The following TASOR2 variants were observed in gnomAD, a reference collection of about 807,000 sequenced individuals.
The protein encoded by TASOR2 is protein TASOR 2.
Under a neutral mutation model 199.5 loss-of-function variants are expected in TASOR2, and 84 were observed. The ratio of observed to expected loss-of-function variants is 0.42; its 90% CI spans 0.35 to 0.50. The LOEUF is 0.50. Ranked by LOEUF, TASOR2 falls within the 20% of genes least tolerant of loss-of-function variation. The pLI is 0.02. For missense variants in TASOR2, 2,796 were observed against 2,835.9 expected, an observed-to-expected ratio of 0.99 and a Z score of 0.32; for synonymous variants, 1,103 against 1,046.6, an observed-to-expected ratio of 1.05 and a Z score of -1.04.
chr10:5,696,403 T>C (rs1219993161), intron 1 of TASOR2, among the ~76,000 whole-genome samples: 1 of 152,168 alleles, frequency 6.6e-6, no homozygotes, highest in South Asian at 2.1e-4. Flanking sequence ...GTCACCCAGA[T>C]TGAAGTGCAG....
At chr10:5,694,240 G>A (rs1836865921) in intron 1 of TASOR2, among the ~76,000 whole-genome samples, 1 of 152,124 alleles carries the variant, frequency 6.6e-6, no homozygotes, top group Admixed American at 6.5e-5. Flanking sequence ...AAATTGGCAG[G>A]GACCAAATTT....
rs755024302 is a variant in TASOR2 at position 5,748,400 on chromosome 10, C to A, written c.4979C>A (p.Ser1660Tyr). 3.7e-5 allele frequency: 60 copies of A among 1,614,112 alleles called. No homozygotes were observed. Among genetic ancestry groups the A allele is most frequent in the Non-Finnish European group, 5.0e-5 (59 of 1,180,052 alleles). The change falls in exon 15 of 21, where the codon TCT becomes TAT. Residue 1660 changes from serine (S) to tyrosine (Y), a missense_variant. Transcript: ENST00000328090. The surrounding 1 kb of genome is among the most constrained non-coding windows in gnomAD (Gnocchi z 5.1). ...TGCTCAGTGGTCCCCACGCTTTGTT[C>A]TTCCTCAGACAATGCTACATTAACC...
At position 5,726,569 on chromosome 10, in the gene TASOR2, T is replaced by G. The variant is rs553864741; in HGVS notation, c.352-316T>G. Among the ~76,000 whole-genome samples the G allele has an allele frequency of 5.9e-5, 9 of 152,346 alleles. No individual in the cohort carries two copies. The South Asian group carries it at 1.7e-3, about 28-fold the overall frequency. ...ACTACATGGTAACATATTGGCTGTTTAGGCAGTGGTATGAAATGTCAGCTG... is the reference window on the plus strand; with the variant it reads ...ACTACATGGTAACATATTGGCTGTTGAGGCAGTGGTATGAAATGTCAGCTG... On this transcript the variant is annotated intron_variant, in intron 8 of 20. Transcript: ENST00000328090.
intron 2 of TASOR2, among the ~76,000 whole-genome samples, chr10:5,713,417 C>T (rs1028602632): frequency 1.3e-5 from 2 of 151,824 alleles, no homozygotes; most frequent in African/African-American, 4.8e-5. Context: ...AGGAAAGGAC[C>T]GTGTACAGGG....
At chr10:5,747,938 G>A (rs1472188294) in exon 15 of TASOR2, 1 of 1,613,838 alleles carries the variant, frequency 6.2e-7, no homozygotes, top group East Asian at 2.2e-5. Flanking sequence ...ATTGTCTCAA[G>A]TGAGCATGAT....
At chr10:5,712,672 C>A in intron 1 of TASOR2, 151 bp from the exon 2 acceptor site, 1 of 817,606 alleles carries the variant, frequency 1.2e-6, no homozygotes, top group Non-Finnish European at 1.6e-6. Flanking sequence ...GAAATAGTCA[C>A]TTGGAAGGTA....
intron 8 of TASOR2, among the ~76,000 whole-genome samples, chr10:5,725,776 G>A (rs1406354724): frequency 6.6e-6 from 1 of 152,122 alleles, no homozygotes; most frequent in African/African-American, 2.4e-5. Flanking sequence ...GTGATACCCT[G>A]TCTCTTAAAG....
rs1183983010 is a variant in TASOR2, at chr10:5,723,043, C to CTTTTTT, written c.147-613_147-608dup. On this transcript the variant is annotated intron_variant, in intron 6 of 20. Transcript: ENST00000328090. Reference sequence around the variant, plus strand: ...AAAGGAAAAAGTAGTCAGGAAATAACTTTTTTTTTTTTTTTTTTTTTTTTT... The same window carrying CTTTTTT: ...AAAGGAAAAAGTAGTCAGGAAATAACTTTTTTTTTTTTTTTTTTTTTTTTTTTTTTT... Among the ~76,000 whole-genome samples the CTTTTTT allele has an allele frequency of 8.2e-4, 60 of 72,908 alleles. 8 individuals carry two copies. The highest frequency in any genetic ancestry group is 6.0e-3 in the South Asian group (8 of 1,338). 47.8% of individuals were successfully genotyped at this position (72,908 alleles called of 152,430 possible). A position where few individuals can be genotyped will look rare whatever the true frequency, so the allele number is the denominator to read the frequency against.
At position 5,757,797 on chromosome 10, in the gene TASOR2, G is replaced by A. The variant is rs1588929524; in HGVS notation, c.6886+124G>A. The A allele has an allele frequency of 1.2e-5, 12 of 1,002,212 alleles. No homozygotes were observed. The East Asian group carries it at 2.8e-4, about 23-fold the overall frequency. 62.1% of individuals were successfully genotyped at this position (1,002,212 alleles called of 1,614,324 possible). A position where few individuals can be genotyped will look rare whatever the true frequency, so the allele number is the denominator to read the frequency against. ...AGGAATATCAGTTGCCCCCTACTGA[G>A]GCATAATTTCTGCTGTCTGCTGTGC... On this transcript the variant is annotated intron_variant, in intron 17 of 20. Transcript: ENST00000328090.
In TASOR2 at chr10:5,762,662, A is replaced by T; in HGVS notation, c.7289+16A>T. On this transcript the variant is annotated intron_variant, in intron 20 of 20. Coordinates refer to ENST00000328090, the Ensembl canonical transcript of TASOR2. ...GTAGCTATTGGTAAGAACACTTTTT[A>T]TGTAACTTTCCCATGTGAGTTGGAG... 8.4e-7 allele frequency: 1 copy of T among 1,183,444 alleles called. No homozygotes were observed. Among genetic ancestry groups the T allele is most frequent in the African/African-American group, 1.6e-5 (1 of 63,836 alleles). 73.3% of individuals were successfully genotyped at this position (1,183,444 alleles called of 1,614,324 possible).
In TASOR2 at chr10:5,730,558, G is replaced by A; in HGVS notation, c.559G>A (p.Ala187Thr). The A allele has an allele frequency of 6.2e-7, 1 of 1,613,990 alleles. No individual in the cohort carries two copies. Among genetic ancestry groups the A allele is most frequent in the Non-Finnish European group, 8.5e-7 (1 of 1,179,984 alleles). Reference sequence around the variant, plus strand: ...ACCTATTTTATCTACCCTTAATTGTGCCCTGCTAGAAACAAAGAAATCACT... The same window carrying A: ...ACCTATTTTATCTACCCTTAATTGTACCCTGCTAGAAACAAAGAAATCACT... Residue 187 changes from alanine to threonine, a missense_variant, in exon 11 of 21, where the codon GCC (alanine) becomes ACC (threonine). Ala to Thr is a moderately conservative substitution (Grantham distance 58). Around this residue, in one of 3 missense-constraint regions of TASOR2, gnomAD observed 847 missense variants for 887.4 expected, o/e 0.95. Coordinates refer to ENST00000328090, the Ensembl canonical transcript of TASOR2. This position sits in a 1 kb window ranked among gnomAD's most constrained non-coding sequence, Gnocchi z 4.1.
chr10:5,723,794 T>C lies in TASOR2; in HGVS notation c.247+17T>C. 1 of 1,535,322 alleles carries C rather than the reference T, an allele frequency of 6.5e-7. No individual in the cohort carries two copies. Among genetic ancestry groups the C allele is most frequent in the East Asian group, 2.3e-5 (1 of 43,980 alleles). ...AGGAGAAAGGTCTGTTGAAATGTAA[T>C]AACACGCTACTTGTCCTGGGCTTTG... On this transcript the variant is annotated intron_variant, in intron 7 of 20. Transcript: ENST00000328090.
At chr10:5,731,112 C>G in exon 11 of TASOR2, 1 of 1,613,384 alleles carries the variant, frequency 6.2e-7, no homozygotes, top group Non-Finnish European at 8.5e-7. Context: ...GCCCCTTTCC[C>G]AAAAGAACTG....
intron 1 of TASOR2, chr10:5,712,173 A>G (rs958922755): frequency 2.4e-5 from 7 of 293,452 alleles, no homozygotes; most frequent in Admixed American, 2.1e-4. Flanking sequence ...GGCAGGACAT[A>G]TTTTAGCTCC....
rs777145764 is a variant in TASOR2 at position 5,749,171 on chromosome 10, A to G, written c.5750A>G (p.Asp1917Gly). 5.6e-6 allele frequency: 9 copies of G among 1,613,902 alleles called. No homozygotes were observed. The East Asian group carries it at 1.6e-4, about 28-fold the overall frequency. Residue 1917 changes from aspartate (D) to glycine (G), a missense_variant, in exon 15 of 21, where the codon GAT becomes GGT. Physicochemically the swap from Asp to Gly is moderately conservative, Grantham distance 94 (BLOSUM62 -1). This residue lies in a region of TASOR2 where 1,941 missense variants were observed against 1,924.9 expected (regional missense o/e 1.01). Transcript: ENST00000328090. ...GTGCCGCCTTACGTCCAAATCCGAG[A>G]TCTCCACGGGATCCTCAGGACTTAC...
At chr10:5,713,042 A>G (rs1166262235) in intron 2 of TASOR2, 124 bp downstream of exon 2, 1 of 453,906 alleles carries the variant, frequency 2.2e-6, no homozygotes, top group African/African-American at 2.0e-5. Flanking sequence ...GTTTGGTGGC[A>G]TGTAAATGAC....
chr10:5,700,638 A>G (rs1236919851), intron 1 of TASOR2, among the ~76,000 whole-genome samples: 1 of 152,072 alleles, frequency 6.6e-6, no homozygotes, highest in Non-Finnish European at 1.5e-5. Context: ...AACTGGGGCG[A>G]GATGATGTCT....
Position 5,722,372 on chromosome 10 carries a change from C to G in TASOR2, c.147-1305C>G, listed in dbSNP as rs1431937068. Reference sequence around the variant, plus strand: ...TGGGGACGCTGAGGCAGGAGAATCACTTGAACCTGGGAGGTGGAGGTTGCA... The same window carrying G: ...TGGGGACGCTGAGGCAGGAGAATCAGTTGAACCTGGGAGGTGGAGGTTGCA... On this transcript the variant is annotated intron_variant, in intron 6 of 20. Transcript: ENST00000328090. The surrounding 1 kb of genome is among the most constrained non-coding windows in gnomAD (Gnocchi z 4.0). Among the ~76,000 whole-genome samples, 1 of 152,120 alleles carries G rather than the reference C, an allele frequency of 6.6e-6. No homozygotes were observed. The highest frequency in any genetic ancestry group is 2.4e-5 in the African/African-American group (1 of 41,414).
Position 5,720,419 on chromosome 10 carries a change from T to A in TASOR2, c.-99-125T>A. On this transcript the variant is annotated intron_variant, in intron 3 of 20. Transcript: ENST00000328090. The surrounding 1 kb of genome is among the most constrained non-coding windows in gnomAD (Gnocchi z 5.3). The stretch of plus-strand genomic sequence containing the variant: ...TCAGGTATAGTTACCTGTGAATGAG[T>A]AACACCCAAGATATATTTCTGACTC... 7.1e-7 allele frequency: 1 copy of A among 1,399,736 alleles called. No homozygotes were observed. Among genetic ancestry groups the A allele is most frequent in the Non-Finnish European group, 9.2e-7 (1 of 1,083,146 alleles). The allele number at this position is 1,399,736 out of a possible 1,614,324, so 86.7% of individuals were successfully genotyped here.
Sources: gnomAD v4.1 joint callset for allele counts (sites outside exome capture counted in the v4.1 genomes callset) on GRCh38, gnomAD v4.1.1 for gene constraint, gnomAD v4.1.1 regional missense constraint, Gnocchi (gnomAD v3.1) non-coding constraint, MANE v1.5 for transcripts, NCBI Gene and HGNC (gene_info 2026-07-23, HGNC 2026-07-21) for gene names.